The following TRPM1 variants were observed in gnomAD, a reference collection of about 807,000 sequenced individuals.
The protein encoded by TRPM1 is transient receptor potential cation channel subfamily M member 1.
Under a neutral mutation model 149.4 loss-of-function variants are expected in TRPM1, and 113 were observed. The observed-to-expected ratio is 0.76, with a 90% CI of 0.65 to 0.88. The LOEUF is 0.88. Ranked by LOEUF, TRPM1 falls within the 40% of genes least tolerant of loss-of-function variation. The probability of loss-of-function intolerance (pLI) is 0.00; values close to 1 mark genes in which losing one functional copy is unlikely to be tolerated. For synonymous variants in TRPM1, 741 were observed against 759.5 expected, an observed-to-expected ratio of 0.98 and a Z score of 0.40; for missense variants, 1,976 against 2,038.7, an observed-to-expected ratio of 0.97 and a Z score of 0.59.
chr15:31,042,241 A>G lies in TRPM1; in HGVS notation c.1797T>C (p.Asp599=), dbSNP rs181801733. The change falls in exon 17 of 28, where the codon GAT becomes GAC. Residue 599 remains aspartate (D), a splice_region_variant and synonymous_variant. Transcript: ENST00000256552. Reference sequence around the variant, plus strand: ...TCTTCCCTTTAGCTGGAGGCTCATCATCCTGAGGGGAGAAACATGGATTTC... The same window carrying G: ...TCTTCCCTTTAGCTGGAGGCTCATCGTCCTGAGGGGAGAAACATGGATTTC... ...PKALKLLGME[D]DEPPAKGKKK... is the part of the protein sequence containing the mutation. The G allele has an allele frequency of 4.8e-5, 76 of 1,570,232 alleles. No individual in the cohort carries two copies. In the African/African-American group the frequency reaches 8.1e-4, roughly 17 times the overall value.
chr15:31,064,286 C>A (rs2034311151), intron 7 of TRPM1, among the ~76,000 whole-genome samples: 1 of 152,240 alleles, frequency 6.6e-6, no homozygotes, highest in Non-Finnish European at 1.5e-5. Flanking sequence ...TTGGACGCAG[C>A]CACTTGGACC....
chr15:31,113,736 T>C (rs1037670838), intron 1 of TRPM1, among the ~76,000 whole-genome samples: 2 of 152,198 alleles, frequency 1.3e-5, no homozygotes, highest in Non-Finnish European at 2.9e-5. Flanking sequence ...CCACCGCCTT[T>C]AAGAATGAAG....
Position 31,035,073 on chromosome 15 carries a change from C to T in TRPM1, c.2700+473G>A, listed in dbSNP as rs1171253328. Among the ~76,000 whole-genome samples the T allele has an allele frequency of 3.3e-5, 5 of 152,208 alleles. No individual in the cohort carries two copies. The South Asian group carries it at 6.2e-4, about 19-fold the overall frequency. On this transcript the variant is annotated intron_variant, in intron 21 of 27. Coordinates refer to ENST00000256552, the MANE Select transcript of TRPM1 (RefSeq NM_001252024.2). ...AGGCTGGAGTGCAGTGGCGCGATCT[C>T]GGCTCATTGCAACCTCTGCCTCCAG... is the stretch of plus-strand genomic sequence containing the variant.
intron 13 of TRPM1, among the ~76,000 whole-genome samples, chr15:31,048,354 A>G (rs2033843166): frequency 6.6e-6 from 1 of 152,228 alleles, no homozygotes. Flanking sequence ...GAATTGTGAG[A>G]GCTGGAGTGT....
At chr15:31,114,046 T>C (rs1271552437) in intron 1 of TRPM1, among the ~76,000 whole-genome samples, 1 of 152,188 alleles carries the variant, frequency 6.6e-6, no homozygotes, top group Non-Finnish European at 1.5e-5. Flanking sequence ...AGAATGCTGA[T>C]TGGTGCATTT....
Position 31,081,333 on chromosome 15 carries a change from T to C in TRPM1, c.3+20A>G. 4.2e-6 allele frequency: 6 copies of C among 1,421,650 alleles called. No individual in the cohort carries two copies. Among genetic ancestry groups the C allele is most frequent in the Non-Finnish European group, 5.7e-6 (6 of 1,043,812 alleles). 88.1% of individuals were successfully genotyped at this position (1,421,650 alleles called of 1,614,324 possible). On this transcript the variant is annotated intron_variant, in intron 2 of 27. Transcript: ENST00000256552. ...GGGGGGGAGGGGGGGAAGGTGGAAG[T>C]GCTTTACTTAGGTATTAACCATGAG... is the stretch of plus-strand genomic sequence containing the variant.
At chr15:31,151,483 A>C (rs912222917) in intron 1 of TRPM1, among the ~76,000 whole-genome samples, 1 of 152,168 alleles carries the variant, frequency 6.6e-6, no homozygotes, top group Non-Finnish European at 1.5e-5. Context: ...TGGCCTGCCC[A>C]GGGCCACACA....
chr15:31,011,675 T>G (rs1270964873), intron 27 of TRPM1, among the ~76,000 whole-genome samples: 2 of 151,732 alleles, frequency 1.3e-5, no homozygotes, highest in East Asian at 3.9e-4. Flanking sequence ...ACTTTTTTTT[T>G]TTTTTTTGAG....
At chr15:31,070,306 A>G (rs946525755) in intron 3 of TRPM1, 80 bp from the exon 4 acceptor site, 1 of 1,410,748 alleles carries the variant, frequency 7.1e-7, no homozygotes, top group African/African-American at 1.4e-5. Context: ...ATTAACCTCA[A>G]CAGGTGAGTT....
intron 27 of TRPM1, among the ~76,000 whole-genome samples, chr15:31,010,139 CTG>C (rs1400226959): frequency 6.6e-6 from 1 of 152,216 alleles, no homozygotes; most frequent in Non-Finnish European, 1.5e-5. Context: ...CCACATGACT[CTG>C]AATCTTGTTT....
At chr15:31,033,590 T>G (rs927296618) in intron 21 of TRPM1, among the ~76,000 whole-genome samples, 5 of 152,174 alleles carry the variant, frequency 3.3e-5, no homozygotes, top group Admixed American at 3.3e-4. Context: ...AGGGTTGCCA[T>G]GCCAGGTGGT....
intron 26 of TRPM1, among the ~76,000 whole-genome samples, 185 bp downstream of exon 26, chr15:31,026,730 A>G (rs1289492080): frequency 1.3e-5 from 2 of 152,234 alleles, no homozygotes; most frequent in East Asian, 3.8e-4. Flanking sequence ...ATTAATTACT[A>G]ACAAATTAAC....
chr15:31,070,535 G>C (rs1358927951), intron 3 of TRPM1: 4 of 594,542 alleles, frequency 6.7e-6, no homozygotes, highest in Non-Finnish European at 1.3e-5. Flanking sequence ...CTGTGACAAA[G>C]TATAGACATG....
At chr15:31,039,788 T>C (rs2033551518) in intron 18 of TRPM1, among the ~76,000 whole-genome samples, 3 of 152,246 alleles carry the variant, frequency 2.0e-5, no homozygotes, top group South Asian at 4.2e-4. Flanking sequence ...CCAGGGTGCG[T>C]GTGCATACTG....
intron 1 of TRPM1, among the ~76,000 whole-genome samples, chr15:31,087,188 A>G (rs981699497): frequency 6.8e-6 from 1 of 147,106 alleles, no homozygotes; most frequent in African/African-American, 2.5e-5. Flanking sequence ...AATGAAACAC[A>G]GGATTATCCT....
Position 31,032,840 on chromosome 15 carries a change from A to G in TRPM1, c.2801T>C (p.Ile934Thr), listed in dbSNP as rs2140912899. Residue 934 changes from isoleucine (I) to threonine (T), a missense_variant, in exon 22 of 28, where the codon ATT becomes ACT. Coordinates refer to ENST00000256552, the MANE Select transcript of TRPM1 (RefSeq NM_001252024.2). ...GTTCTGTAGGCGAAGAATTGCTCCA[A>G]TCATGAATGTGGAAATGGCCACGAG... Reference protein sequence around the residue: ...TDLVAISTFMIGAILRLQNQP... With the variant: ...TDLVAISTFMTGAILRLQNQP... 6.2e-7 allele frequency: 1 copy of G among 1,614,236 alleles called. No homozygotes were observed. Among genetic ancestry groups the G allele is most frequent in the Non-Finnish European group, 8.5e-7 (1 of 1,180,042 alleles).
chr15:31,035,167 C>T (rs1254298672), intron 21 of TRPM1, among the ~76,000 whole-genome samples: 1 of 152,180 alleles, frequency 6.6e-6, no homozygotes, highest in Non-Finnish European at 1.5e-5. Flanking sequence ...ACACGACCGG[C>T]TAATTTTTGT....
chr15:31,122,853 A>G (rs2035898808), intron 1 of TRPM1, among the ~76,000 whole-genome samples: 1 of 152,230 alleles, frequency 6.6e-6, no homozygotes, highest in Non-Finnish European at 1.5e-5. Context: ...AGGTTTATAC[A>G]GAAAGGTAAA....
chr15:31,057,474 A>G (rs2034115257), intron 11 of TRPM1, among the ~76,000 whole-genome samples: 1 of 152,184 alleles, frequency 6.6e-6, no homozygotes, highest in Non-Finnish European at 1.5e-5. Context: ...AATCTGTACA[A>G]CAAACCCCCA....
Sources: allele counts gnomAD v4.1 joint callset (sites outside exome capture counted in the v4.1 genomes callset), GRCh38; gene constraint gnomAD v4.1.1; transcripts MANE v1.5; gene names NCBI Gene and HGNC (gene_info 2026-07-23, HGNC 2026-07-21).